Variants in SLC35F4 observed in about 807,000 individuals in gnomAD.
SLC35F4 encodes the protein chromosome 14 open reading frame 36.
SLC35F4 carries 24 observed loss-of-function variants against 44.2 expected under a neutral mutation model. That is an observed-to-expected ratio of 0.54 (90% CI 0.39 to 0.76). The LOEUF (loss-of-function observed/expected upper bound fraction) is 0.76, where lower values mean the gene tolerates loss of function less well. SLC35F4 is among the 30% of genes least tolerant of loss of function. The probability of loss-of-function intolerance (pLI) is 0.00; values close to 1 mark genes in which losing one functional copy is unlikely to be tolerated. For missense variants in SLC35F4, 562 were observed against 586.1 expected (o/e 0.96, Z 0.42); for synonymous variants, 238 against 223.6 (o/e 1.06, Z -0.57).
chr14:57,698,601 A>C (rs1281902152), intron 1 of SLC35F4, among the ~76,000 whole-genome samples: 1 of 152,038 alleles, frequency 6.6e-6, no homozygotes, highest in Non-Finnish European at 1.5e-5. Context: ...AGCTACCCTG[A>C]GAAAGAATTG....
At chr14:57,575,216 G>A (rs528267540) in intron 4 of SLC35F4, among the ~76,000 whole-genome samples, 5 of 152,244 alleles carry the variant, frequency 3.3e-5, no homozygotes, top group South Asian at 2.1e-4. Context: ...AGTGGCTCAC[G>A]CCTGTAATTC....
At chr14:57,856,769 C>T (rs1488855990) in intron 1 of SLC35F4, among the ~76,000 whole-genome samples, 2 of 151,976 alleles carry the variant, frequency 1.3e-5, no homozygotes, top group African/African-American at 4.8e-5. Flanking sequence ...AGGGTATAAA[C>T]ATAATATGAA....
intron 1 of SLC35F4, among the ~76,000 whole-genome samples, chr14:57,599,470 A>G (rs939681455): frequency 1.3e-5 from 2 of 152,322 alleles, no homozygotes; most frequent in East Asian, 1.9e-4. Flanking sequence ...GAGAAATCAT[A>G]GAGGGTAGGG....
At chr14:57,664,423 T>G (rs531699041) in intron 1 of SLC35F4, among the ~76,000 whole-genome samples, 13 of 152,218 alleles carry the variant, frequency 8.5e-5, no homozygotes, top group Admixed American at 6.5e-4. Flanking sequence ...TTAATTTTAT[T>G]TTTGAGACAG....
chr14:57,635,768 C>T (rs2140143551), intron 1 of SLC35F4, among the ~76,000 whole-genome samples: 1 of 152,238 alleles, frequency 6.6e-6, no homozygotes, highest in East Asian at 1.9e-4. Flanking sequence ...CAAATGTATT[C>T]TTGGAAGCTA....
chr14:57,964,991 A>ATATATATATATATATATAT (rs1279192848), intron 1 of SLC35F4, among the ~76,000 whole-genome samples: 8 of 115,672 alleles, frequency 6.9e-5, no homozygotes, highest in African/African-American at 2.9e-4. Flanking sequence ...AAAAAAAAAA[A>ATATATATATATATATATAT]ATATATATAT....
chr14:57,563,987 A>G lies in SLC35F4; in HGVS notation c.*148T>C. On this transcript the variant is annotated 3_prime_UTR_variant, in exon 8 of 8. Coordinates refer to ENST00000556826, the MANE Select transcript of SLC35F4 (RefSeq NM_001306087.2). The stretch of plus-strand genomic sequence containing the variant: ...TTTACACCAATTCCTTGATAAGCAT[A>G]TAAATGTAAACTTTTATTGTTGGCA... 1 of 830,356 alleles carries G rather than the reference A, an allele frequency of 1.2e-6. No individual in the cohort carries two copies. The highest frequency in any genetic ancestry group is 1.8e-6 in the Non-Finnish European group (1 of 551,436). The allele number at this position is 830,356 out of a possible 1,614,324, so 51.4% of individuals were successfully genotyped here.
chr14:57,572,600 T>C (rs1227160987), intron 4 of SLC35F4, among the ~76,000 whole-genome samples: 1 of 152,228 alleles, frequency 6.6e-6, no homozygotes, highest in Non-Finnish European at 1.5e-5. Context: ...GCACTGTCAC[T>C]TGGAATGTCA....
At chr14:57,867,349 A>C (rs756335187), upstream of SLC35F4, among the ~76,000 whole-genome samples, 1 of 152,202 alleles carries the variant, frequency 6.6e-6, no homozygotes, top group African/African-American at 2.4e-5. Flanking sequence ...AAATTTTACA[A>C]TATGTTTTGG....
intron 1 of SLC35F4, among the ~76,000 whole-genome samples, chr14:57,653,044 C>A (rs543097603): frequency 6.6e-6 from 1 of 152,310 alleles, no homozygotes; most frequent in East Asian, 1.9e-4. Context: ...GCAACCCCTT[C>A]AGACTGCAGA....
intron 1 of SLC35F4, among the ~76,000 whole-genome samples, chr14:57,872,792 C>T (rs557682324): frequency 6.6e-6 from 1 of 152,170 alleles, no homozygotes; most frequent in Admixed American, 6.5e-5. Context: ...TCAGACTGCT[C>T]AGTCTTCATG....
intron 4 of SLC35F4, among the ~76,000 whole-genome samples, chr14:57,575,299 C>T (rs770297517): frequency 6.6e-6 from 1 of 151,994 alleles, no homozygotes; most frequent in East Asian, 1.9e-4. Flanking sequence ...CCAACCATGG[C>T]GAGACCCCCA....
intron 1 of SLC35F4, among the ~76,000 whole-genome samples, chr14:57,649,683 C>G (rs2073697728): frequency 6.6e-6 from 1 of 152,166 alleles, no homozygotes; most frequent in Non-Finnish European, 1.5e-5. Context: ...TGGGCCATAT[C>G]TATTTTTCTC....
At chr14:57,750,143 G>C (rs1252195071) in intron 1 of SLC35F4, among the ~76,000 whole-genome samples, 171 of 151,910 alleles carry the variant, frequency 1.1e-3, no homozygotes, top group African/African-American at 3.9e-3. Flanking sequence ...TGCGGTATTT[G>C]TCTTTCAGTG....
At chr14:57,582,621 TTTTAA>T (rs1307987147) in intron 3 of SLC35F4, among the ~76,000 whole-genome samples, 2 of 152,188 alleles carry the variant, frequency 1.3e-5, no homozygotes, top group Non-Finnish European at 2.9e-5. Context: ...ACTGGGAGAA[TTTTAA>T]TTTTTTTCCC....
At chr14:57,858,291 A>C (rs1475458367) in intron 1 of SLC35F4, among the ~76,000 whole-genome samples, 8 of 152,016 alleles carry the variant, frequency 5.3e-5, no homozygotes, top group South Asian at 2.1e-4. Context: ...AAATGTCCAT[A>C]AATGATAGAC....
At chr14:57,630,042 T>G (rs561984082) in intron 1 of SLC35F4, 2 of 537,480 alleles carry the variant, frequency 3.7e-6, no homozygotes, top group South Asian at 2.8e-5. Flanking sequence ...ATTTCTACAT[T>G]CGCTGTCCAA....
At chr14:57,624,617 G>A (rs555372620) in intron 1 of SLC35F4, among the ~76,000 whole-genome samples, 8 of 152,186 alleles carry the variant, frequency 5.3e-5, no homozygotes, top group African/African-American at 1.4e-4. Context: ...TGTTCAAGTC[G>A]GCTTCATCCC....
chr14:57,746,496 A>T (rs2076757234), intron 1 of SLC35F4, among the ~76,000 whole-genome samples: 1 of 151,846 alleles, frequency 6.6e-6, no homozygotes, highest in Admixed American at 6.6e-5. Flanking sequence ...TCTGGAAAAA[A>T]CTCCAATTGA....
Sources: allele counts gnomAD v4.1 joint callset (sites outside exome capture counted in the v4.1 genomes callset), GRCh38; gene constraint gnomAD v4.1.1; transcripts MANE v1.5; gene names NCBI Gene and HGNC (gene_info 2026-07-23, HGNC 2026-07-21).